The following RHOT2 variants were observed in gnomAD, a reference collection of about 807,000 sequenced individuals.
RHOT2 encodes the protein mitochondrial Rho GTPase 2.
Under a neutral mutation model 81.6 loss-of-function variants are expected in RHOT2, and 90 were observed. The ratio of observed to expected loss-of-function variants is 1.10; its 90% CI spans 0.93 to 1.31. The LOEUF is 1.31. RHOT2 is among the 40% of genes most tolerant of loss of function. The pLI is 0.00. For missense variants in RHOT2, 1,014 were observed against 841.9 expected (o/e 1.20, Z -2.53); for synonymous variants, 512 against 370.9 (o/e 1.38, Z -4.37).
Position 672,556 on chromosome 16 carries a change from A to C in RHOT2, c.1394A>C (p.Lys465Thr). Reference protein sequence around the residue: ...IDTVQVNGQEKYLILCEVGTD... With the variant: ...IDTVQVNGQETYLILCEVGTD... ...ACGGTGCAGGTCAATGGACAGGAGA[A>C]GTACTTGATCGTGAGTGCTGGGGCG... is the stretch of plus-strand genomic sequence containing the variant. Residue 465 changes from lysine (K) to threonine (T), a missense_variant, in exon 16 of 19, where the codon AAG (lysine) becomes ACG (threonine). By Grantham distance (78) the Lys-to-Thr change is moderately conservative. Coordinates refer to ENST00000315082, the MANE Select transcript of RHOT2 (RefSeq NM_138769.3). 1 of 1,612,504 alleles carries C rather than the reference A, an allele frequency of 6.2e-7. No individual in the cohort carries two copies. The highest frequency in any genetic ancestry group is 8.5e-7 in the Non-Finnish European group (1 of 1,179,846).
chr16:672,272 TGGACCAGGAGAAG>T lies in RHOT2; in HGVS notation c.1219_1231del (p.Gln407ArgfsTer12). ...CTCACAGTCACTCGTGAGAAGAGGC[TGGACCAGGAGAAG>T]GGACAGACGCAGCGGAGCGTCCTCC... On this transcript the variant is annotated frameshift_variant, in exon 15 of 19. Coordinates refer to ENST00000315082, the MANE Select transcript of RHOT2 (RefSeq NM_138769.3). LOFTEE classifies it high-confidence loss of function. 1 of 1,611,976 alleles carries T rather than the reference TGGACCAGGAGAAG, an allele frequency of 6.2e-7. No individual in the cohort carries two copies.
chr16:672,775 TTTGA>T lies in RHOT2; in HGVS notation c.1479_1482del (p.Phe493LeufsTer122). 1 of 1,612,704 alleles carries T rather than the reference TTTGA, an allele frequency of 6.2e-7. No individual in the cohort carries two copies. The highest frequency in any genetic ancestry group is 8.5e-7 in the Non-Finnish European group (1 of 1,179,984). On this transcript the variant is annotated frameshift_variant, in exon 17 of 19. Transcript: ENST00000315082. LOFTEE classifies it high-confidence loss of function. ...CACCTGTGACGTTGCCTGCTTGATG[TTTGA>T]TGGCAGTGACCCAAAGTCCTTTGCA... is the stretch of plus-strand genomic sequence containing the variant.
chr16:672,499 C>T lies in RHOT2; in HGVS notation c.1337C>T (p.Thr446Met), dbSNP rs149441609. 7.1e-5 allele frequency: 115 copies of T among 1,612,464 alleles called. No individual in the cohort carries two copies. In the African/African-American group the frequency reaches 7.9e-4, roughly 11 times the overall value. The change falls in exon 16 of 19, where the codon ACG becomes ATG. Residue 446 changes from threonine to methionine, a missense_variant. By Grantham distance (81) the Thr-to-Met change is moderately conservative. Coordinates refer to ENST00000315082, the MANE Select transcript of RHOT2 (RefSeq NM_138769.3). ...CTTCACCTCCCTCAGCACCAGGACACGAGGGAGCAGCCTCCCGGCTACGCC... is the reference window on the plus strand; with the variant it reads ...CTTCACCTCCCTCAGCACCAGGACATGAGGGAGCAGCCTCCCGGCTACGCC... The part of the protein sequence containing the change: ...FLGRGLGHQD[T>M]REQPPGYAID...
rs763510499 is a variant in RHOT2, at chr16:673,517, T to C, written c.1768T>C (p.Trp590Arg). Reference sequence around the variant, plus strand: ...CGCAGAGCTGCATCCCTCTTCCTTCTGGCTCCGGGGGCTGCTGGGGGTTGT... The same window carrying C: ...CGCAGAGCTGCATCCCTCTTCCTTCCGGCTCCGGGGGCTGCTGGGGGTTGT... ...VHAELHPSSF[W>R]LRGLLGVVGA... The change falls in exon 19 of 19, where the codon TGG (tryptophan) becomes CGG (arginine). Residue 590 changes from tryptophan to arginine, a missense_variant. Coordinates refer to ENST00000315082, the MANE Select transcript of RHOT2 (RefSeq NM_138769.3). 6 of 1,612,562 alleles carry C rather than the reference T, an allele frequency of 3.7e-6. No homozygotes were observed. In the South Asian group the frequency reaches 6.6e-5, roughly 18 times the overall value.
Position 668,569 on chromosome 16 carries a change from G to C in RHOT2, c.178G>C (p.Glu60Gln). The change falls in exon 3 of 19, where the codon GAA (glutamate) becomes CAA (glutamine). Residue 60 changes from glutamate to glutamine, a missense_variant and splice_region_variant. Transcript: ENST00000315082. ...KVPTHIVDYSEAEQTDEELRE... is the reference protein window; with the variant it reads ...KVPTHIVDYSQAEQTDEELRE... ...GCCCACCCACATCGTGGACTACTCA[G>C]GTAGCGGCCGTAGCCTCCCGGGGGC... The C allele has an allele frequency of 6.2e-7, 1 of 1,610,758 alleles. No homozygotes were observed. Among genetic ancestry groups the C allele is most frequent in the Non-Finnish European group, 8.5e-7 (1 of 1,179,126 alleles).
chr16:671,810 G>GCCCC, intron 12 of RHOT2, 29 bp downstream of exon 12: 15 of 1,586,070 alleles, frequency 9.5e-6, no homozygotes, highest in Non-Finnish European at 1.3e-5. Flanking sequence ...CCCTGCCCCT[G>GCCCC]CCCCCGCCCC....
intron 11 of RHOT2, chr16:671,441 C>T: frequency 1.4e-6 from 1 of 703,004 alleles, no homozygotes; most frequent in East Asian, 2.8e-5. Flanking sequence ...GCCAACCCCG[C>T]TCGCGTGGCT....
rs3177338 is a variant in RHOT2, at chr16:672,331, C to G, written c.1273C>G (p.Arg425Gly). 165 of 1,611,776 alleles carry G rather than the reference C, an allele frequency of 1.0e-4. No homozygotes were observed. Among genetic ancestry groups the G allele is most frequent in the Non-Finnish European group, 1.4e-4 (162 of 1,179,444 alleles). Reference sequence around the variant, plus strand: ...CCTCCTGTGCAAGGTGGTAGGGGCCCGTGGAGTGGGCAAGTCTGCCTTCCT... The same window carrying G: ...CCTCCTGTGCAAGGTGGTAGGGGCCGGTGGAGTGGGCAAGTCTGCCTTCCT... ...SVLLCKVVGA[R>G]GVGKSAFLQA... Residue 425 changes from arginine (R) to glycine (G), a missense_variant, in exon 15 of 19, where the codon CGT becomes GGT. Arg to Gly is a moderately radical substitution (Grantham distance 125, BLOSUM62 -2). Transcript: ENST00000315082.
In RHOT2 at chr16:671,016, C is replaced by T. The variant is rs528236874; in HGVS notation, c.748+16C>T. On this transcript the variant is annotated intron_variant, in intron 10 of 18. Coordinates refer to ENST00000315082, the MANE Select transcript of RHOT2 (RefSeq NM_138769.3). ...ACCCTGGATGGTGAGGCCGGGTGCC[C>T]GCCTGTGCCTGGGGAGTGTGGGGAG... 4.4e-5 allele frequency: 71 copies of T among 1,601,130 alleles called. No individual in the cohort carries two copies. In the East Asian group the frequency reaches 9.2e-4, roughly 21 times the overall value.
rs757860727 is a variant in RHOT2, at chr16:672,960, CTT to C, written c.1562_1563del (p.Phe521CysfsTer173). On this transcript the variant is annotated frameshift_variant, in exon 18 of 19. Coordinates refer to ENST00000315082, the MANE Select transcript of RHOT2 (RefSeq NM_138769.3). LOFTEE classifies it high-confidence loss of function. ...HYMDGQTPCL[F>X]VSSKADLPEG... ...ACATGGACGGGCAGACCCCCTGCCTCTTTGTCTCCTCCAAGGCCGACCTGCCC... is the reference window on the plus strand; with the variant it reads ...ACATGGACGGGCAGACCCCCTGCCTCTGTCTCCTCCAAGGCCGACCTGCCC... 27 of 1,612,736 alleles carry C rather than the reference CTT, an allele frequency of 1.7e-5. No individual in the cohort carries two copies. Among genetic ancestry groups the C allele is most frequent in the Non-Finnish European group, 1.1e-5 (13 of 1,180,016 alleles).
chr16:672,194 C>T lies in RHOT2; in HGVS notation c.1195+13C>T, dbSNP rs750899525. ...CATGCCATCACAGGTAGGCACCCAC[C>T]CTCCCTGGGCCTGGGCCCAGTATCC... On this transcript the variant is annotated intron_variant, in intron 14 of 18. Coordinates refer to ENST00000315082, the MANE Select transcript of RHOT2 (RefSeq NM_138769.3). 25 of 1,612,630 alleles carry T rather than the reference C, an allele frequency of 1.6e-5. No homozygotes were observed. Among genetic ancestry groups the T allele is most frequent in the Non-Finnish European group, 2.0e-5 (24 of 1,179,862 alleles).
chr16:668,367 A>T lies in RHOT2; in HGVS notation c.52A>T (p.Thr18Ser). The change falls in exon 2 of 19, where the codon ACG (threonine) becomes TCG (serine). Residue 18 changes from threonine to serine, a missense_variant. Coordinates refer to ENST00000315082, the MANE Select transcript of RHOT2 (RefSeq NM_138769.3). ...GCCCCGCGCAGCCCAGGTGGGGAAG[A>T]CGTCGCTGATCCTGTCCCTGGTGGG... Reference protein sequence around the residue: ...LLLGEAQVGKTSLILSLVGEE... With the variant: ...LLLGEAQVGKSSLILSLVGEE... 1 of 1,427,318 alleles carries T rather than the reference A, an allele frequency of 7.0e-7. No homozygotes were observed. The allele number at this position is 1,427,318 out of a possible 1,614,324, so 88.4% of individuals were successfully genotyped here.
chr16:668,167 T>C lies in RHOT2; in HGVS notation c.-33T>C. 4.5e-6 allele frequency: 2 copies of C among 447,198 alleles called. No homozygotes were observed. Among genetic ancestry groups the C allele is most frequent in the Non-Finnish European group, 7.8e-6 (2 of 256,666 alleles). 27.7% of individuals were successfully genotyped at this position (447,198 alleles called of 1,614,324 possible). On this transcript the variant is annotated 5_prime_UTR_variant, in exon 1 of 19. Transcript: ENST00000315082. ...GCTTGAGGACCAGGTCGGGGCCGGG[T>C]TCCGGGTCGGGGAGCGGCTCCGGGC...
At chr16:668,770 GA>G in intron 4 of RHOT2, 71 bp downstream of exon 4, 1 of 1,479,590 alleles carries the variant, frequency 6.8e-7, no homozygotes, top group Non-Finnish European at 9.1e-7. Context: ...CAGCCTGGGG[GA>G]TTGGACCGAG....
chr16:672,593 G>A (rs370949070), intron 16 of RHOT2, 27 bp downstream of exon 16: 532 of 1,611,240 alleles, frequency 3.3e-4, no homozygotes, highest in Non-Finnish European at 4.2e-4. Flanking sequence ...CGCGGCCTGT[G>A]CCCGAGGGTG....
At position 673,626 on chromosome 16, in the gene RHOT2, C is replaced by A; in HGVS notation, c.*20C>A. Reference sequence around the variant, plus strand: ...CAGTGAGGCCCCTGGTACCCAAGCCCCCTCCCCTGACCTGGGTGTGCCTCG... The same window carrying A: ...CAGTGAGGCCCCTGGTACCCAAGCCACCTCCCCTGACCTGGGTGTGCCTCG... On this transcript the variant is annotated 3_prime_UTR_variant, in exon 19 of 19. Transcript: ENST00000315082. The A allele has an allele frequency of 1.9e-6, 3 of 1,599,956 alleles. No individual in the cohort carries two copies. The highest frequency in any genetic ancestry group is 2.6e-6 in the Non-Finnish European group (3 of 1,174,994).
rs200177302 is a variant in RHOT2 at position 668,509 on chromosome 16, A to G, written c.118A>G (p.Ile40Val). 7.5e-6 allele frequency: 12 copies of G among 1,608,170 alleles called. No homozygotes were observed. The South Asian group carries it at 1.1e-4, about 15-fold the overall frequency. The stretch of plus-strand genomic sequence containing the variant: ...GCAGGTCCCTCCCCGCGCGGAGGAG[A>G]TCACCATCCCCGCGGACGTCACCCC... ...PEEVPPRAEE[I>V]TIPADVTPEK... is the part of the protein sequence containing the mutation. Residue 40 changes from isoleucine (I) to valine (V), a missense_variant, in exon 3 of 19, where the codon ATC (isoleucine) becomes GTC (valine). Coordinates refer to ENST00000315082, the MANE Select transcript of RHOT2 (RefSeq NM_138769.3).
At chr16:670,094 T>G in intron 5 of RHOT2, 29 bp from the exon 6 acceptor site, 1 of 1,538,186 alleles carries the variant, frequency 6.5e-7, no homozygotes, top group Non-Finnish European at 8.7e-7. Context: ...GCGGGCAGCC[T>G]CACTTCACAG....
In RHOT2 at chr16:669,609, G is replaced by C; in HGVS notation, c.276+3G>C. ...CTGAGGAGGCCACCATTGAGAAGGT[G>C]AGCCCTCAGTGCAGACCCCAACAGC... On this transcript the variant is annotated splice_donor_region_variant and intron_variant, in intron 5 of 18. Coordinates refer to ENST00000315082, the MANE Select transcript of RHOT2 (RefSeq NM_138769.3). 6.2e-7 allele frequency: 1 copy of C among 1,611,574 alleles called. No individual in the cohort carries two copies. The highest frequency in any genetic ancestry group is 8.5e-7 in the Non-Finnish European group (1 of 1,179,836).
Sources: allele counts gnomAD v4.1 joint callset, GRCh38; gene constraint gnomAD v4.1.1; transcripts MANE v1.5; gene names NCBI Gene and HGNC (gene_info 2026-07-23, HGNC 2026-07-21).